FHOD3: variants seen among roughly 807,000 people sequenced by gnomAD.
FHOD3 encodes the protein FH1/FH2 domain-containing protein 3.
In FHOD3, 90 loss-of-function variants were observed where a neutral mutation model predicts 173.0. The ratio of observed to expected loss-of-function variants is 0.52; its 90% confidence interval spans 0.44 to 0.62. The LOEUF is 0.62. FHOD3 is among the 20% of genes least tolerant of loss of function. FHOD3 has a pLI of 0.00. For missense variants in FHOD3, 1,945 were observed against 2,034.7 expected (o/e 0.96, Z 0.85); for synonymous variants, 828 against 823.0 (o/e 1.01, Z -0.10).
intron 3 of FHOD3, among the ~76,000 whole-genome samples, chr18:36,473,612 G>A (rs538851993): frequency 6.6e-5 from 10 of 152,288 alleles, no homozygotes; most frequent in Non-Finnish European, 1.3e-4. Context: ...TTCTGAACAT[G>A]TTCAGAATGC....
chr18:36,489,663 C>A (rs1479711093), intron 3 of FHOD3, among the ~76,000 whole-genome samples: 1 of 151,864 alleles, frequency 6.6e-6, no homozygotes, highest in African/African-American at 2.4e-5. Flanking sequence ...CAGAGTGAGA[C>A]CCTGTCTCAA....
At chr18:36,434,273 G>A (rs1378655156) in intron 3 of FHOD3, among the ~76,000 whole-genome samples, 1 of 152,140 alleles carries the variant, frequency 6.6e-6, no homozygotes, top group East Asian at 1.9e-4. Flanking sequence ...GGTAAGATAT[G>A]GATGTCTATT....
intron 19 of FHOD3, 105 bp downstream of exon 19, chr18:36,718,820 A>T: frequency 6.7e-7 from 1 of 1,501,734 alleles, no homozygotes; most frequent in East Asian, 2.3e-5. Context: ...ATTTGGTAAA[A>T]AGTCCATTGG....
chr18:36,682,840 A>G (rs1020969318), intron 15 of FHOD3, among the ~76,000 whole-genome samples: 4 of 152,200 alleles, frequency 2.6e-5, no homozygotes, highest in African/African-American at 7.2e-5. Context: ...CAGCCTCCCA[A>G]AGTGCTGGGA....
intron 8 of FHOD3, among the ~76,000 whole-genome samples, chr18:36,609,220 C>T (rs796741804): frequency 5.9e-5 from 9 of 152,346 alleles, no homozygotes; most frequent in South Asian, 2.1e-4. Flanking sequence ...ACATTTACCT[C>T]GCAGACTTTC....
intron 11 of FHOD3, among the ~76,000 whole-genome samples, chr18:36,651,019 C>G (rs1175177261): frequency 6.6e-6 from 1 of 152,150 alleles, no homozygotes; most frequent in Non-Finnish European, 1.5e-5. Flanking sequence ...ATTCATTAAC[C>G]TTCATCTGGA....
At chr18:36,578,568 A>G (rs1215872639) in intron 6 of FHOD3, among the ~76,000 whole-genome samples, 1 of 152,062 alleles carries the variant, frequency 6.6e-6, no homozygotes, top group Non-Finnish European at 1.5e-5. Context: ...GAGCCTTTCC[A>G]GGCTGCTGTT....
At chr18:36,696,846 G>A (rs1374677768) in intron 17 of FHOD3, among the ~76,000 whole-genome samples, 2 of 152,210 alleles carry the variant, frequency 1.3e-5, no homozygotes. Flanking sequence ...AATGGAGTCA[G>A]CCAGCCCAAA....
At chr18:36,760,194 A>G (rs910490255) in intron 26 of FHOD3, among the ~76,000 whole-genome samples, 6 of 152,244 alleles carry the variant, frequency 3.9e-5, no homozygotes, top group Admixed American at 1.3e-4. Flanking sequence ...GCTTTCTGAC[A>G]CTAAGTAAAA....
intron 19 of FHOD3, among the ~76,000 whole-genome samples, chr18:36,724,783 C>T (rs958302358): frequency 4.6e-5 from 7 of 152,192 alleles, no homozygotes; most frequent in South Asian, 2.1e-4. Flanking sequence ...AGCTTTTCTC[C>T]GGAGACTGTC....
intron 10 of FHOD3, among the ~76,000 whole-genome samples, chr18:36,636,366 A>G (rs2034881339): frequency 6.6e-6 from 1 of 152,112 alleles, no homozygotes; most frequent in Admixed American, 6.5e-5. Context: ...AAATGAGATT[A>G]TTTTTTCTTG....
At position 36,401,166 on chromosome 18, in the gene FHOD3, C is replaced by T. The variant is rs1049335819; in HGVS notation, c.337+28422C>T. Among the ~76,000 whole-genome samples, 6 of 152,258 alleles carry T rather than the reference C, an allele frequency of 3.9e-5. No individual in the cohort carries two copies. The East Asian group carries it at 7.7e-4, about 20-fold the overall frequency. ...ATGTGATGAAATCCAATCACCAAAG[C>T]ACTGGTATCAAAAGGTAGGGGCTTT... On this transcript the variant is annotated intron_variant, in intron 3 of 28. Coordinates refer to ENST00000590592, the MANE Select transcript of FHOD3 (RefSeq NM_001281740.3).
chr18:36,625,664 A>G lies in FHOD3; in HGVS notation c.1111A>G (p.Lys371Glu). The G allele has an allele frequency of 6.2e-7, 1 of 1,612,518 alleles. No individual in the cohort carries two copies. Among genetic ancestry groups the G allele is most frequent in the Non-Finnish European group, 8.5e-7 (1 of 1,179,130 alleles). Reference protein sequence around the residue: ...RSRRHSVQSIKSTLSAPTSPC... With the variant: ...RSRRHSVQSIESTLSAPTSPC... ...CCGCAGGCACTCGGTGCAGAGCATC[A>G]AGAGCACCCTGTCGGCCCCCACCAG... The change falls in exon 10 of 29, where the codon AAG becomes GAG. Residue 371 changes from lysine to glutamate, a missense_variant. Transcript: ENST00000590592.
intron 3 of FHOD3, among the ~76,000 whole-genome samples, chr18:36,382,466 C>A (rs760816628): frequency 2.6e-4 from 40 of 152,190 alleles, no homozygotes; most frequent in Non-Finnish European, 8.8e-5. Flanking sequence ...CAAAGTGTTA[C>A]AATTTTCTTA....
intron 5 of FHOD3, among the ~76,000 whole-genome samples, chr18:36,536,506 C>T (rs2056998840): frequency 6.6e-6 from 1 of 152,250 alleles, no homozygotes; most frequent in South Asian, 2.1e-4. Context: ...TGTACTCTTT[C>T]TGCTCTGCAC....
intron 3 of FHOD3, among the ~76,000 whole-genome samples, chr18:36,434,340 T>C (rs775326236): frequency 2.6e-5 from 4 of 152,242 alleles, no homozygotes; most frequent in Non-Finnish European, 2.9e-5. Flanking sequence ...TGATTTATAT[T>C]GGCACGTAGG....
At chr18:36,553,336 A>C (rs2147402329) in intron 5 of FHOD3, among the ~76,000 whole-genome samples, 1 of 152,246 alleles carries the variant, frequency 6.6e-6, no homozygotes, top group African/African-American at 2.4e-5. Flanking sequence ...GGCCTCATAA[A>C]ATGAGTTAGG....
intron 4 of FHOD3, among the ~76,000 whole-genome samples, chr18:36,510,002 G>A (rs541862395): frequency 6.6e-6 from 1 of 152,326 alleles, no homozygotes; most frequent in East Asian, 1.9e-4. Flanking sequence ...GGATTACACA[G>A]GCAGCGGTGC....
intron 19 of FHOD3, among the ~76,000 whole-genome samples, chr18:36,729,452 T>G (rs2041243756): frequency 6.6e-6 from 1 of 152,210 alleles, no homozygotes; most frequent in Non-Finnish European, 1.5e-5. Flanking sequence ...TTGCTAAGGC[T>G]GCCATAATAA....
Sources: allele counts gnomAD v4.1 joint callset (sites outside exome capture counted in the v4.1 genomes callset), GRCh38; gene constraint gnomAD v4.1.1; transcripts MANE v1.5; gene names NCBI Gene and HGNC (gene_info 2026-07-23, HGNC 2026-07-21).